DCDC2C: variants seen among roughly 807,000 people sequenced by gnomAD.
DCDC2C encodes doublecortin domain containing 2C.
In DCDC2C, 44 loss-of-function variants were observed where a neutral mutation model predicts 45.0. The observed-to-expected ratio is 0.98, with a 90% CI of 0.77 to 1.26. The LOEUF (loss-of-function observed/expected upper bound fraction) is 1.26. Ranked by LOEUF, DCDC2C falls within the 50% of genes most tolerant of loss-of-function variation. The pLI is 0.00. For missense variants in DCDC2C, 447 were observed against 468.9 expected (o/e 0.95, Z 0.43); for synonymous variants, 187 against 178.8 (o/e 1.05, Z -0.37).
chr2:3,847,075 T>C, intron 10 of DCDC2C, 79 bp from the exon 11 acceptor site: 1 of 755,796 alleles, frequency 1.3e-6, no homozygotes, highest in Non-Finnish European at 1.6e-6. Flanking sequence ...TGCAAGCTCC[T>C]GAGAGAACCA....
At chr2:3,712,157 C>T (rs964554710) in intron 2 of DCDC2C, among the ~76,000 whole-genome samples, 2 of 152,150 alleles carry the variant, frequency 1.3e-5, no homozygotes, top group Non-Finnish European at 2.9e-5. Flanking sequence ...ACTCCAAGAA[C>T]TCTGCTGTGC....
chr2:3,748,887 C>G (rs1227299992), intron 4 of DCDC2C, among the ~76,000 whole-genome samples: 2 of 152,164 alleles, frequency 1.3e-5, no homozygotes, highest in Admixed American at 6.5e-5. Context: ...ACTGGCTGAA[C>G]TAACAGCTGA....
intron 6 of DCDC2C, among the ~76,000 whole-genome samples, chr2:3,755,856 G>T (rs1427435998): frequency 1.6e-5 from 2 of 124,142 alleles, no homozygotes; most frequent in Non-Finnish European, 3.8e-5. Context: ...GGATGCATAT[G>T]CATATGGATG....
intron 10 of DCDC2C, among the ~76,000 whole-genome samples, chr2:3,815,087 A>G (rs553886848): frequency 6.6e-6 from 1 of 152,344 alleles, no homozygotes; most frequent in South Asian, 2.1e-4. Flanking sequence ...AGTAGGCTTA[A>G]GCAGATTCCA....
intron 8 of DCDC2C, among the ~76,000 whole-genome samples, chr2:3,774,713 G>A (rs997669597): frequency 6.6e-6 from 1 of 152,196 alleles, no homozygotes; most frequent in Non-Finnish European, 1.5e-5. Context: ...TGTCTGGAAA[G>A]GGATTCAGGC....
chr2:3,811,353 G>T (rs1054342160), intron 10 of DCDC2C, among the ~76,000 whole-genome samples: 9 of 152,114 alleles, frequency 5.9e-5, no homozygotes, highest in Non-Finnish European at 1.3e-4. Context: ...TTGTGAATGG[G>T]AGTTCATTTA....
At chr2:3,783,467 G>T (rs1670567714) in intron 9 of DCDC2C, among the ~76,000 whole-genome samples, 1 of 152,156 alleles carries the variant, frequency 6.6e-6, no homozygotes, top group Admixed American at 6.5e-5. Flanking sequence ...CTAGTATTTT[G>T]TTTGTCCTTC....
intron 10 of DCDC2C, among the ~76,000 whole-genome samples, chr2:3,843,627 A>T (rs1558252137): frequency 6.6e-6 from 1 of 152,096 alleles, no homozygotes; most frequent in Non-Finnish European, 1.5e-5. Context: ...TGAGCTCCGA[A>T]AGTTGGTTCT....
At chr2:3,729,444 G>A (rs1668794905) in intron 3 of DCDC2C, among the ~76,000 whole-genome samples, 1 of 152,226 alleles carries the variant, frequency 6.6e-6, no homozygotes. Context: ...GGAAGGAGCT[G>A]AGTTCCACTC....
At chr2:3,753,144 C>T (rs1421096335) in intron 5 of DCDC2C, among the ~76,000 whole-genome samples, 1 of 152,204 alleles carries the variant, frequency 6.6e-6, no homozygotes, top group Non-Finnish European at 1.5e-5. Flanking sequence ...CTCTGGGATA[C>T]CAGGAGTCTT....
chr2:3,833,646 C>T (rs1672004256), intron 10 of DCDC2C, among the ~76,000 whole-genome samples: 1 of 152,158 alleles, frequency 6.6e-6, no homozygotes, highest in Non-Finnish European at 1.5e-5. Context: ...ATTATCAGCT[C>T]AATTTAGAAA....
chr2:3,793,043 A>G (rs1670863074), intron 10 of DCDC2C, among the ~76,000 whole-genome samples: 1 of 152,220 alleles, frequency 6.6e-6, no homozygotes, highest in Non-Finnish European at 1.5e-5. Context: ...GTTCAAGGCA[A>G]GGCATTTGTT....
intron 7 of DCDC2C, among the ~76,000 whole-genome samples, chr2:3,768,152 A>T (rs1558217634): frequency 6.6e-6 from 1 of 152,220 alleles, no homozygotes; most frequent in Non-Finnish European, 1.5e-5. Flanking sequence ...AGGACTGAGT[A>T]TCTTCTTTTC....
intron 5 of DCDC2C, 118 bp from the exon 6 acceptor site, chr2:3,754,474 A>G: frequency 1.1e-6 from 1 of 945,206 alleles, no homozygotes; most frequent in Admixed American, 2.7e-5. Context: ...TCCTCTGTGG[A>G]CAGCTTGCTC....
chr2:3,838,121 C>T (rs1672125845), intron 10 of DCDC2C, among the ~76,000 whole-genome samples: 1 of 151,908 alleles, frequency 6.6e-6, no homozygotes. Context: ...AGGTGGTGAT[C>T]GCGAGTGGAA....
At chr2:3,756,385 C>T (rs1278691791) in intron 6 of DCDC2C, among the ~76,000 whole-genome samples, 1 of 152,200 alleles carries the variant, frequency 6.6e-6, no homozygotes, top group African/African-American at 2.4e-5. Context: ...GACACACTGG[C>T]TTTGAGGGTC....
chr2:3,847,097 T>C, intron 10 of DCDC2C, 57 bp from the exon 11 acceptor site: 1 of 1,181,448 alleles, frequency 8.5e-7, no homozygotes, highest in Non-Finnish European at 1.1e-6. Context: ...AAACAAACTG[T>C]GGCCAGATCA....
chr2:3,739,098 C>T (rs1224751294), intron 3 of DCDC2C, among the ~76,000 whole-genome samples: 9 of 152,162 alleles, frequency 5.9e-5, no homozygotes, highest in Non-Finnish European at 1.2e-4. Flanking sequence ...ATTATTGTTT[C>T]TTCTCTTTTA....
intron 10 of DCDC2C, among the ~76,000 whole-genome samples, chr2:3,813,054 TATATATATATA>T (rs1558238635): frequency 5.1e-5 from 5 of 97,310 alleles, no homozygotes; most frequent in African/African-American, 2.6e-4. Context: ...TATATATATA[TATATATATATA>T]TATTTTTTTT....
Sources: allele counts gnomAD v4.1 joint callset (sites outside exome capture counted in the v4.1 genomes callset), GRCh38; gene constraint gnomAD v4.1.1; transcripts MANE v1.5; gene names NCBI Gene and HGNC (gene_info 2026-07-23, HGNC 2026-07-21).